RELCH: variants seen among roughly 807,000 people sequenced by gnomAD.
RELCH encodes the protein RAB11-binding protein RELCH.
In RELCH, 41 loss-of-function variants were observed where a neutral mutation model predicts 150.3. The ratio of observed to expected loss-of-function variants is 0.27; its 90% CI spans 0.21 to 0.35. The LOEUF (loss-of-function observed/expected upper bound fraction) is 0.35. RELCH is among the 10% of genes least tolerant of loss of function. The pLI is 1.00. For missense variants in RELCH, 1,092 were observed against 1,467.8 expected, an observed-to-expected ratio of 0.74 and a Z score of 4.18; for synonymous variants, 478 against 531.8, an observed-to-expected ratio of 0.90 and a Z score of 1.39.
intron 20 of RELCH, 58 bp from the exon 21 acceptor site, chr18:62,273,922 T>C (rs2044048977): frequency 2.0e-6 from 2 of 1,007,676 alleles, no homozygotes; most frequent in African/African-American, 1.6e-5. Flanking sequence ...TAGGTAAATA[T>C]GGTATTTAGT....
At chr18:62,216,694 A>T (rs73456682) in intron 2 of RELCH, among the ~76,000 whole-genome samples, 14,900 of 152,058 alleles carry the variant, frequency 0.098, 866 homozygotes, top group East Asian at 0.19. Flanking sequence ...TAGGAAGCTT[A>T]CATAATCTAG....
intron 1 of RELCH, among the ~76,000 whole-genome samples, chr18:62,189,685 G>T (rs749335703): frequency 6.6e-6 from 1 of 152,108 alleles, no homozygotes; most frequent in Non-Finnish European, 1.5e-5. Flanking sequence ...TCTTATTAGG[G>T]CTATCATAGC....
chr18:62,213,897 G>A (rs2040328884), intron 2 of RELCH, among the ~76,000 whole-genome samples: 4 of 151,924 alleles, frequency 2.6e-5, no homozygotes, highest in Admixed American at 6.6e-5. Context: ...GAGTAAAAAG[G>A]TTCATATTCT....
chr18:62,271,517 T>C (rs2043902117), intron 20 of RELCH, among the ~76,000 whole-genome samples: 1 of 152,126 alleles, frequency 6.6e-6, no homozygotes, highest in Non-Finnish European at 1.5e-5. Flanking sequence ...ATTGCAAAAA[T>C]TTTATCCCAT....
chr18:62,279,664 CT>C, intron 22 of RELCH, 109 bp from the exon 23 acceptor site: 1 of 702,628 alleles, frequency 1.4e-6, no homozygotes, highest in South Asian at 2.0e-5. Flanking sequence ...TTTGGTTTTG[CT>C]TTTGTGTTTT....
chr18:62,301,320 T>C (rs551403982), intron 28 of RELCH, among the ~76,000 whole-genome samples: 3 of 152,346 alleles, frequency 2.0e-5, no homozygotes, highest in Admixed American at 1.3e-4. Flanking sequence ...ATTTGGACTT[T>C]ATGTTATAGG....
At chr18:62,295,148 G>A (rs562197856) in intron 27 of RELCH, among the ~76,000 whole-genome samples, 1 of 152,090 alleles carries the variant, frequency 6.6e-6, no homozygotes, top group Non-Finnish European at 1.5e-5. Context: ...GTTCCAAGAA[G>A]GATCTTATTT....
intron 10 of RELCH, among the ~76,000 whole-genome samples, chr18:62,243,530 T>C (rs571117811): frequency 2.5e-4 from 38 of 152,148 alleles, no homozygotes; most frequent in Non-Finnish European, 4.9e-4. Flanking sequence ...CTCAGATATA[T>C]TCTTAGCTCC....
intron 15 of RELCH, 68 bp from the exon 16 acceptor site, chr18:62,261,443 A>T: frequency 7.0e-7 from 1 of 1,421,126 alleles, no homozygotes; most frequent in Non-Finnish European, 9.8e-7. Context: ...GAAGAACATC[A>T]TACATAAATC....
At chr18:62,268,823 A>T in intron 19 of RELCH, 46 bp from the exon 20 acceptor site, 1 of 1,002,022 alleles carries the variant, frequency 1.0e-6, no homozygotes, top group South Asian at 1.7e-5. Flanking sequence ...TTTTCTTTAC[A>T]CTTAAAATAT....
intron 22 of RELCH, chr18:62,277,738 A>G (rs1398607760): frequency 1.1e-6 from 1 of 880,322 alleles, no homozygotes; most frequent in South Asian, 5.2e-5. Context: ...CAATCATATT[A>G]TTCCCATTGT....
chr18:62,248,582 A>G (rs1396495427), intron 11 of RELCH, among the ~76,000 whole-genome samples: 1 of 152,180 alleles, frequency 6.6e-6, no homozygotes, highest in African/African-American at 2.4e-5. Context: ...TTTATATGCC[A>G]TGCTTGATTT....
intron 8 of RELCH, among the ~76,000 whole-genome samples, chr18:62,230,726 T>C (rs1285290199): frequency 3.3e-5 from 5 of 152,106 alleles, no homozygotes; most frequent in African/African-American, 1.2e-4. Context: ...TTTGTGGTTT[T>C]CTAATATTCA....
intron 11 of RELCH, among the ~76,000 whole-genome samples, chr18:62,248,215 G>A (rs1006325424): frequency 3.9e-5 from 6 of 152,068 alleles, no homozygotes; most frequent in Admixed American, 2.0e-4. Context: ...AGTTTCCTCC[G>A]TAAACTTTGC....
At chr18:62,244,546 C>T (rs1482311618) in intron 10 of RELCH, among the ~76,000 whole-genome samples, 1 of 152,140 alleles carries the variant, frequency 6.6e-6, no homozygotes. Flanking sequence ...TCTTAAGCAA[C>T]TTTTGTTACA....
intron 10 of RELCH, among the ~76,000 whole-genome samples, chr18:62,237,292 A>G (rs2041924544): frequency 6.6e-6 from 1 of 151,734 alleles, no homozygotes. Flanking sequence ...GTATAATTTT[A>G]TTAGATTTAG....
At chr18:62,256,626 A>T (rs370230494) in intron 13 of RELCH, among the ~76,000 whole-genome samples, 53 of 152,024 alleles carry the variant, frequency 3.5e-4, no homozygotes, top group Middle Eastern at 3.4e-3. Flanking sequence ...TGCGTACCCC[A>T]TTGTCACTGA....
chr18:62,215,487 G>A (rs2040423845), intron 2 of RELCH, among the ~76,000 whole-genome samples: 2 of 152,076 alleles, frequency 1.3e-5, no homozygotes, highest in South Asian at 4.2e-4. Flanking sequence ...AGATTTAAAA[G>A]TCTGGTTATT....
chr18:62,210,399 C>G (rs893527302), intron 1 of RELCH, among the ~76,000 whole-genome samples: 1 of 151,990 alleles, frequency 6.6e-6, no homozygotes, highest in Non-Finnish European at 1.5e-5. Context: ...TCTTTTTTGT[C>G]TGTATTCTGC....
Sources: allele counts gnomAD v4.1 joint callset (sites outside exome capture counted in the v4.1 genomes callset), GRCh38; gene constraint gnomAD v4.1.1; transcripts MANE v1.5; gene names NCBI Gene and HGNC (gene_info 2026-07-23, HGNC 2026-07-21).